LYRM4: variants seen among roughly 807,000 people sequenced by gnomAD.
The protein encoded by LYRM4 is LYR motif-containing protein 4.
LYRM4 carries 9 observed loss-of-function variants against 11.7 expected under a neutral mutation model. The ratio of observed to expected loss-of-function variants is 0.77; its 90% CI spans 0.46 to 1.34. The LOEUF is 1.34. Ranked by LOEUF, LYRM4 falls within the 40% of genes most tolerant of loss-of-function variation. LYRM4 has a pLI of 0.00. For missense variants in LYRM4, 133 were observed against 112.5 expected, an observed-to-expected ratio of 1.18 and a Z score of -0.82; for synonymous variants, 42 against 40.4, an observed-to-expected ratio of 1.04 and a Z score of -0.15.
chr6:5,195,190 C>T lies in LYRM4; in HGVS notation c.207+21428G>A, dbSNP rs142883093. 9.1e-4 allele frequency among the ~76,000 whole-genome samples: 138 copies of T among 152,280 alleles called. 1 individual carries two copies. Among genetic ancestry groups the T allele is most frequent in the African/African-American group, 3.2e-3 (131 of 41,556 alleles). On this transcript the variant is annotated intron_variant, in intron 2 of 2. Coordinates refer to ENST00000330636, the MANE Select transcript of LYRM4 (RefSeq NM_020408.6). ...CTGCAAAATCTTGAAGTTTACTCAC[C>T]TCACCCTAGAGACCTGGAGGGTGCC...
chr6:5,133,538 G>A (rs150661562), intron 2 of LYRM4, among the ~76,000 whole-genome samples: 2 of 152,240 alleles, frequency 1.3e-5, no homozygotes, highest in Non-Finnish European at 2.9e-5. Context: ...TCTGATGCTC[G>A]GGTCACACTT....
At position 5,214,592 on chromosome 6, in the gene LYRM4, G is replaced by T. The variant is rs1762163899; in HGVS notation, c.207+2026C>A. Among the ~76,000 whole-genome samples, 3 of 152,206 alleles carry T rather than the reference G, an allele frequency of 2.0e-5. No homozygotes were observed. The South Asian group carries it at 6.2e-4, about 31-fold the overall frequency. Reference sequence around the variant, plus strand: ...GGTGGAGTAGGGGCAGGGGCACCCGGAGGACAGGTCAGAAGGCTGCTACAG... The same window carrying T: ...GGTGGAGTAGGGGCAGGGGCACCCGTAGGACAGGTCAGAAGGCTGCTACAG... On this transcript the variant is annotated intron_variant, in intron 2 of 2. Coordinates refer to ENST00000330636, the MANE Select transcript of LYRM4 (RefSeq NM_020408.6).
At chr6:5,223,623 C>T (rs1286872441) in intron 1 of LYRM4, among the ~76,000 whole-genome samples, 2 of 152,166 alleles carry the variant, frequency 1.3e-5, no homozygotes, top group East Asian at 3.8e-4. Context: ...AACTTTTCAA[C>T]TCTGCTTCAA....
chr6:5,072,787 T>C, the LYRM4 span, among the ~76,000 whole-genome samples: 4 of 152,044 alleles, frequency 2.6e-5, no homozygotes, highest in Admixed American at 6.5e-5. Context: ...ATCCAGACTC[T>C]ATGGAGCCTG....
the LYRM4 span, among the ~76,000 whole-genome samples, chr6:5,059,999 G>A: frequency 7.9e-5 from 12 of 152,144 alleles, no homozygotes; most frequent in Non-Finnish European, 1.8e-4. Context: ...TTTTCAGCCA[G>A]CATTCAGAAG....
At chr6:5,060,943 G>A in the LYRM4 span, among the ~76,000 whole-genome samples, 7 of 152,008 alleles carry the variant, frequency 4.6e-5, no homozygotes, top group Non-Finnish European at 8.8e-5. Context: ...ATATTTTCTC[G>A]ACCAATTTTG....
chr6:5,082,939 C>T, the LYRM4 span, among the ~76,000 whole-genome samples: 2,923 of 152,332 alleles, frequency 0.019, 43 homozygotes, highest in Middle Eastern at 0.037. Flanking sequence ...ACCTCACCTT[C>T]CTCACAGGCC....
chr6:5,094,332 A>G, the LYRM4 span, among the ~76,000 whole-genome samples: 1 of 152,088 alleles, frequency 6.6e-6, no homozygotes, highest in East Asian at 1.9e-4. Flanking sequence ...AAAATTTTAA[A>G]AATTAGCCAG....
intron 2 of LYRM4, among the ~76,000 whole-genome samples, chr6:5,154,535 G>A (rs768497537): frequency 1.3e-5 from 2 of 151,648 alleles, no homozygotes; most frequent in Non-Finnish European, 2.9e-5. Context: ...AGGCGGATTC[G>A]GCCGGGCGCG....
chr6:5,068,351 G>A, the LYRM4 span, among the ~76,000 whole-genome samples: 1 of 152,152 alleles, frequency 6.6e-6, no homozygotes, highest in Non-Finnish European at 1.5e-5. This position sits in a 1 kb window ranked among gnomAD's most constrained non-coding sequence, Gnocchi z 4.0. Context: ...GATCATAAAG[G>A]CCTCCTGCCA....
At chr6:5,070,154 T>C in the LYRM4 span, among the ~76,000 whole-genome samples, 12 of 152,230 alleles carry the variant, frequency 7.9e-5, no homozygotes, top group Admixed American at 5.2e-4. Context: ...AACAGTGGCA[T>C]TGAGGTTTAA....
the LYRM4 span, among the ~76,000 whole-genome samples, chr6:5,046,498 G>A: frequency 3.9e-5 from 6 of 152,112 alleles, no homozygotes; most frequent in Admixed American, 2.6e-4. Flanking sequence ...GGAGTCTCTC[G>A]CGTGGCTGCC....
chr6:5,052,612 A>T, the LYRM4 span, among the ~76,000 whole-genome samples: 5 of 152,322 alleles, frequency 3.3e-5, no homozygotes, highest in Admixed American at 2.0e-4. Context: ...GTATAACTTC[A>T]GGAAGGTAGT....
At chr6:5,104,669 G>A (rs562784221), downstream of LYRM4, 46 of 152,228 alleles carry the variant, frequency 3.0e-4, 2 homozygotes, top group African/African-American at 1.1e-3. Flanking sequence ...TAAATTCATC[G>A]AGTCTGGGCT....
At chr6:5,197,555 A>C (rs572044274) in intron 2 of LYRM4, among the ~76,000 whole-genome samples, 2 of 152,014 alleles carry the variant, frequency 1.3e-5, no homozygotes, top group Admixed American at 1.3e-4. Flanking sequence ...GGTGCCTGTA[A>C]TCCCAGCTAC....
intron 2 of LYRM4, among the ~76,000 whole-genome samples, chr6:5,203,902 G>A (rs1761540717): frequency 6.6e-6 from 1 of 152,216 alleles, no homozygotes; most frequent in South Asian, 2.1e-4. Context: ...TAGCACTTGA[G>A]TTTTTAAAAG....
At chr6:5,257,257 C>G (rs575239029) in intron 1 of LYRM4, among the ~76,000 whole-genome samples, 5 of 152,262 alleles carry the variant, frequency 3.3e-5, no homozygotes, top group Non-Finnish European at 5.9e-5. Flanking sequence ...CACCGCCCCC[C>G]CAACCCCATC....
In LYRM4 at chr6:5,175,905, T is replaced by C. The variant is rs148773123; in HGVS notation, c.207+40713A>G. ...TCTACAGCTGCTGCTGATCCTGGCC[T>C]AGGCACCAGACCTGTCTCCGGGTGA... is the stretch of plus-strand genomic sequence containing the variant. On this transcript the variant is annotated intron_variant, in intron 2 of 2. Transcript: ENST00000330636. Among the ~76,000 whole-genome samples the C allele has an allele frequency of 3.4e-3, 517 of 152,254 alleles. 2 individuals are homozygous for C. Among genetic ancestry groups the C allele is most frequent in the Middle Eastern group, 0.017 (5 of 294 alleles).
intron 1 of LYRM4, among the ~76,000 whole-genome samples, chr6:5,242,109 G>T (rs1284421493): frequency 6.8e-6 from 1 of 146,224 alleles, no homozygotes; most frequent in Non-Finnish European, 1.5e-5. Context: ...GTCTCACTCT[G>T]CCACCCAGGC....
Sources: gnomAD v4.1 joint callset for allele counts (sites outside exome capture counted in the v4.1 genomes callset) on GRCh38, gnomAD v4.1.1 for gene constraint, Gnocchi (gnomAD v3.1) non-coding constraint, MANE v1.5 for transcripts, NCBI Gene and HGNC (gene_info 2026-07-23, HGNC 2026-07-21) for gene names.